Variants in CELF1 observed in about 807,000 individuals in gnomAD.
The protein encoded by CELF1 is CUGBP Elav-like family member 1, also known as 50 kDa nuclear polyadenylated RNA-binding protein.
A neutral mutation model predicts 61.8 loss-of-function variants in CELF1; 10 were observed. The observed-to-expected ratio is 0.16, with a 90% confidence interval of 0.10 to 0.27. CELF1 has a LOEUF of 0.27. Ranked by LOEUF, CELF1 falls within the 10% of genes least tolerant of loss-of-function variation. The pLI is 1.00. For missense variants in CELF1, 380 were observed against 639.1 expected, an observed-to-expected ratio of 0.59 and a Z score of 4.37; for synonymous variants, 236 against 225.1, an observed-to-expected ratio of 1.05 and a Z score of -0.43.
At chr11:47,485,227 C>A (rs2086000745) in intron 6 of CELF1, among the ~76,000 whole-genome samples, 1 of 152,222 alleles carries the variant, frequency 6.6e-6, no homozygotes, top group South Asian at 2.1e-4. Context: ...GTCACCCAGG[C>A]TGAAGTGCGG....
chr11:47,547,930 A>G (rs563352540), intron 1 of CELF1, among the ~76,000 whole-genome samples: 120 of 152,240 alleles, frequency 7.9e-4, no homozygotes, highest in Non-Finnish European at 1.4e-3. Context: ...GCGGTGATGA[A>G]AACATTTTGG....
At chr11:47,558,597 T>G (rs1219787491) in intron 2 of CELF1, among the ~76,000 whole-genome samples, 4 of 112,012 alleles carry the variant, frequency 3.6e-5, no homozygotes, top group African/African-American at 1.4e-4. Context: ...ATTTATATTA[T>G]ATATGTATAA....
chr11:47,475,616 A>G, intron 12 of CELF1, 95 bp from the exon 13 acceptor site: 6 of 1,230,204 alleles, frequency 4.9e-6, no homozygotes, highest in South Asian at 1.4e-5. Flanking sequence ...GGAAAACTCC[A>G]AAGTTCTCCC....
intron 1 of CELF1, among the ~76,000 whole-genome samples, chr11:47,544,168 G>A (rs1403085905): frequency 6.6e-6 from 1 of 152,116 alleles, no homozygotes; most frequent in Non-Finnish European, 1.5e-5. Flanking sequence ...CTCATAAAAG[G>A]GAACAAAAGG....
Position 47,477,282 on chromosome 11 carries a change from C to T in CELF1, c.973+15G>A, listed in dbSNP as rs759565706. 1 of 1,613,810 alleles carries T rather than the reference C, an allele frequency of 6.2e-7. No individual in the cohort carries two copies. Among genetic ancestry groups the T allele is most frequent in the East Asian group, 2.2e-5 (1 of 44,880 alleles). ...CAAGGCACATAATGGCACACTGGGT[C>T]ATCCTCATGCTTACCTGAACTAGTG... On this transcript the variant is annotated intron_variant, in intron 11 of 14. Transcript: ENST00000687097.
intron 1 of CELF1, among the ~76,000 whole-genome samples, chr11:47,520,822 C>T (rs2095848977): frequency 4.6e-5 from 7 of 151,702 alleles, no homozygotes; most frequent in Admixed American, 4.6e-4. Context: ...GCGCTCCCCC[C>T]CGACCCAAAA....
intron 11 of CELF1, 71 bp downstream of exon 11, chr11:47,477,226 G>C: frequency 3.9e-6 from 6 of 1,552,864 alleles, no homozygotes; most frequent in Non-Finnish European, 5.3e-6. Flanking sequence ...TTCCCTCTCT[G>C]GACTCTGCCT....
In CELF1 at chr11:47,468,587, C is replaced by T. The variant is rs994985161; in HGVS notation, c.*3643G>A. 1 of 152,078 alleles carries T rather than the reference C, an allele frequency of 6.6e-6. No individual in the cohort carries two copies. Among genetic ancestry groups the T allele is most frequent in the African/African-American group, 2.4e-5 (1 of 41,230 alleles). 9.4% of individuals were successfully genotyped at this position (152,078 alleles called of 1,614,324 possible). A position where few individuals can be genotyped will look rare whatever the true frequency, so the allele number is the denominator to read the frequency against. On this transcript the variant is annotated 3_prime_UTR_variant, in exon 15 of 15. Coordinates refer to ENST00000687097, the MANE Select transcript of CELF1 (RefSeq NM_001376376.1). ...TGGAATCACAAAATCAAGTGGTTATCTTATGAAGTTCTAGAAAAATAGATT... is the reference window on the plus strand; with the variant it reads ...TGGAATCACAAAATCAAGTGGTTATTTTATGAAGTTCTAGAAAAATAGATT...
chr11:47,533,346 G>C (rs190553468), intron 1 of CELF1, among the ~76,000 whole-genome samples: 2 of 152,160 alleles, frequency 1.3e-5, no homozygotes, highest in African/African-American at 4.8e-5. Context: ...AATTGGCCGG[G>C]TATAGTGGCT....
intron 1 of CELF1, among the ~76,000 whole-genome samples, chr11:47,545,115 A>G (rs2096899716): frequency 6.6e-6 from 1 of 152,204 alleles, no homozygotes; most frequent in Admixed American, 6.6e-5. Context: ...CAACATGGCG[A>G]AACCCCATCT....
At chr11:47,491,407 G>A (rs1289767737) in intron 3 of CELF1, among the ~76,000 whole-genome samples, 1 of 151,808 alleles carries the variant, frequency 6.6e-6, no homozygotes, top group Non-Finnish European at 1.5e-5. Flanking sequence ...TGATCCACCT[G>A]CCTTGGCCTC....
intron 1 of CELF1, among the ~76,000 whole-genome samples, chr11:47,510,685 C>T (rs190305604): frequency 1.7e-4 from 26 of 152,178 alleles, no homozygotes; most frequent in African/African-American, 6.3e-4. Flanking sequence ...AGGGGTTTTG[C>T]CATGTTGCCC....
At chr11:47,508,030 T>C (rs1366752365) in intron 1 of CELF1, among the ~76,000 whole-genome samples, 1 of 152,242 alleles carries the variant, frequency 6.6e-6, no homozygotes, top group African/African-American at 2.4e-5. Flanking sequence ...TTTATCATTA[T>C]GACCATTTAA....
intron 1 of CELF1, among the ~76,000 whole-genome samples, chr11:47,531,265 C>CA (rs1206095840): frequency 2.0e-5 from 3 of 147,892 alleles, no homozygotes; most frequent in African/African-American, 7.9e-5. Context: ...ACAACAACAA[C>CA]AAAAAACAAA....
intron 1 of CELF1, among the ~76,000 whole-genome samples, chr11:47,538,659 A>AT (rs58550852): frequency 0.2 from 30,462 of 148,956 alleles, 3,818 homozygotes; most frequent in African/African-American, 0.32. Flanking sequence ...AAAAAAAAAA[A>AT]AAATCTCCAT....
chr11:47,551,964 G>A (rs1385036180), intron 1 of CELF1, among the ~76,000 whole-genome samples: 1 of 149,170 alleles, frequency 6.7e-6, no homozygotes, highest in Non-Finnish European at 1.5e-5. Context: ...AGTGAGCCGA[G>A]ATAGCGCCAC....
At chr11:47,533,635 A>AATAAATACATACATAC (rs111856198) in intron 1 of CELF1, among the ~76,000 whole-genome samples, 11 of 148,858 alleles carry the variant, frequency 7.4e-5, no homozygotes, top group Non-Finnish European at 1.2e-4. Flanking sequence ...AAAATAAATA[A>AATAAATACATACATAC]ATACATACAT....
intron 1 of CELF1, among the ~76,000 whole-genome samples, chr11:47,513,153 G>A (rs2095332642): frequency 1.3e-5 from 2 of 152,188 alleles, no homozygotes; most frequent in African/African-American, 2.4e-5. Flanking sequence ...CAGCTATCTA[G>A]TTTAGTCCAC....
chr11:47,475,197 AGTCT>A, intron 13 of CELF1, 135 bp downstream of exon 13: 1 of 715,812 alleles, frequency 1.4e-6, no homozygotes, highest in Non-Finnish European at 2.4e-6. Context: ...AGGGTTTCTC[AGTCT>A]ACACTTGACA....
Sources: gnomAD v4.1 joint callset for allele counts (sites outside exome capture counted in the v4.1 genomes callset) on GRCh38, gnomAD v4.1.1 for gene constraint, MANE v1.5 for transcripts, NCBI Gene and HGNC (gene_info 2026-07-23, HGNC 2026-07-21) for gene names.